SEC31B: variants seen among roughly 807,000 people sequenced by gnomAD.
SEC31B encodes SEC31 homolog B, COPII component, also known as protein transport protein Sec31B.
SEC31B carries 113 observed loss-of-function variants against 135.0 expected under a neutral mutation model. The ratio of observed to expected loss-of-function variants is 0.84; its 90% confidence interval spans 0.72 to 0.98. The LOEUF (loss-of-function observed/expected upper bound fraction) is 0.98. Among genes scored for constraint, SEC31B ranks in the 50% least tolerant of loss-of-function variants. The pLI is 0.00. For missense variants in SEC31B, 1,296 were observed against 1,421.1 expected (o/e 0.91, Z 1.42); for synonymous variants, 508 against 549.4 (o/e 0.92, Z 1.05).
At position 100,497,252 on chromosome 10, in the gene SEC31B, C is replaced by T; in HGVS notation, c.2019G>A (p.Glu673=). ...CTTCGGAGGTTAGTGCCCTGCTGCC[C>T]TCCTGTTCCATGCGAGTTCCCAGCA... ...CDMLGTRMEQ[E]GSRALTSEAR... Residue 673 remains glutamate (E), a synonymous_variant, in exon 17 of 26, where the codon GAG becomes GAA. Transcript: ENST00000370345. 1 of 1,614,194 alleles carries T rather than the reference C, an allele frequency of 6.2e-7. No individual in the cohort carries two copies. Among genetic ancestry groups the T allele is most frequent in the Non-Finnish European group, 8.5e-7 (1 of 1,180,012 alleles).
rs1241589148 is a variant in SEC31B, at chr10:100,497,185, C to T, written c.2086G>A (p.Val696Met). 3 of 1,614,116 alleles carry T rather than the reference C, an allele frequency of 1.9e-6. No homozygotes were observed. Among genetic ancestry groups the T allele is most frequent in the Non-Finnish European group, 2.5e-6 (3 of 1,180,048 alleles). ...TGGTGGCATTTTGCCCAGCACTCCA[C>T]CAGCCGCTCCACACTCCCTGAGCAC... Reference protein sequence around the residue: ...YVCSGSVERLVECWAKCHQAL... With the variant: ...YVCSGSVERLMECWAKCHQAL... Residue 696 changes from valine (V) to methionine (M), a missense_variant, in exon 17 of 26, where the codon GTG (valine) becomes ATG (methionine). Val to Met is a conservative substitution (Grantham distance 21). Transcript: ENST00000370345.
rs1230689853 is a variant in SEC31B, at chr10:100,507,425, C to A, written c.782G>T (p.Arg261Met). The A allele has an allele frequency of 6.2e-7, 1 of 1,614,078 alleles. No individual in the cohort carries two copies. Among genetic ancestry groups the A allele is most frequent in the African/African-American group, 1.3e-5 (1 of 74,928 alleles). ...SPLKVLESHS[R>M]GILSVSWSQA... is the part of the protein sequence containing the mutation. ...ATATGGATGACGTCTGAGATGCTACCTGCTGTGGCTCTCCAGCACCTTCAA... is the reference window on the plus strand; with the variant it reads ...ATATGGATGACGTCTGAGATGCTACATGCTGTGGCTCTCCAGCACCTTCAA... Residue 261 changes from arginine to methionine, a missense_variant and splice_region_variant, in exon 7 of 26, where the codon AGG (arginine) becomes ATG (methionine). Transcript: ENST00000370345.
In SEC31B at chr10:100,514,849, C is replaced by T. The variant is rs111696500; in HGVS notation, c.203+1247G>A. The stretch of plus-strand genomic sequence containing the variant: ...CAAAAAAATTAGCCAGGTGTGGTGG[C>T]GCGCACCTGTAGTCCCAGCTACTCG... On this transcript the variant is annotated intron_variant, in intron 3 of 25. Coordinates refer to ENST00000370345, the MANE Select transcript of SEC31B (RefSeq NM_015490.4). Among the ~76,000 whole-genome samples the T allele has an allele frequency of 2.8e-3, 420 of 151,980 alleles. 2 individuals are homozygous for T. The highest frequency in any genetic ancestry group is 9.0e-3 in the African/African-American group (373 of 41,450).
At chr10:100,503,891 T>G (rs1851576110) in intron 10 of SEC31B, among the ~76,000 whole-genome samples, 1 of 152,140 alleles carries the variant, frequency 6.6e-6, no homozygotes, top group Non-Finnish European at 1.5e-5. Context: ...CCCTAACTAT[T>G]CACCATTTCT....
Position 100,507,548 on chromosome 10 carries a change from G to C in SEC31B, c.659C>G (p.Ala220Gly), listed in dbSNP as rs1173397216. Residue 220 changes from alanine to glycine, a missense_variant, in exon 7 of 26, where the codon GCC (alanine) becomes GGC (glycine). Physicochemically the swap from Ala to Gly is moderately conservative, Grantham distance 60 (BLOSUM62 0). Transcript: ENST00000370345. ...HSNRMHCSGL[A>G]WHPDIATQLV... ...CTGGGTGGCTATGTCAGGATGCCAG[G>C]CCAGGCCTGAGCAGTGCATCTGTGA... The C allele has an allele frequency of 6.2e-7, 1 of 1,614,208 alleles. No homozygotes were observed. Among genetic ancestry groups the C allele is most frequent in the Non-Finnish European group, 8.5e-7 (1 of 1,180,034 alleles).
At position 100,509,061 on chromosome 10, in the gene SEC31B, G is replaced by C; in HGVS notation, c.441C>G (p.Phe147Leu). The change falls in exon 5 of 26, where the codon TTC becomes TTG. Residue 147 changes from phenylalanine (F) to leucine (L), a missense_variant. Phe to Leu is a conservative substitution (Grantham distance 22). Coordinates refer to ENST00000370345, the MANE Select transcript of SEC31B (RefSeq NM_015490.4). ...CATTCAAGTTATTCAGATCCCAAAT[G>C]AAGATTTCAGAATCGCTGGCCCCTG... ...LASGASDSEI[F>L]IWDLNNLNVP... 1 of 1,614,156 alleles carries C rather than the reference G, an allele frequency of 6.2e-7. No homozygotes were observed. The highest frequency in any genetic ancestry group is 8.5e-7 in the Non-Finnish European group (1 of 1,180,024).
At chr10:100,507,668 G>A in intron 6 of SEC31B, 101 bp from the exon 7 acceptor site, 1 of 1,495,128 alleles carries the variant, frequency 6.7e-7, no homozygotes, top group Non-Finnish European at 9.2e-7. Context: ...TTTTGTGACT[G>A]GGAACACCAC....
At chr10:100,494,225 C>T (rs1411997331) in intron 19 of SEC31B, among the ~76,000 whole-genome samples, 1 of 152,090 alleles carries the variant, frequency 6.6e-6, no homozygotes, top group African/African-American at 2.4e-5. Context: ...CCCTCAGTAC[C>T]CCCAACCACA....
rs371097231 is a variant in SEC31B, at chr10:100,488,073, G to A, written c.3314C>T (p.Ala1105Val). The change falls in exon 25 of 26, where the codon GCA becomes GTA. Residue 1105 changes from alanine to valine, a missense_variant. By Grantham distance (64) the Ala-to-Val change is moderately conservative. Transcript: ENST00000370345. ...DLKTKRKLEE[A>V]AQRLEYLYEK... The stretch of plus-strand genomic sequence containing the variant: ...ATATAGATACTCCAGACGCTGGGCT[G>A]CCTCTTCCAGCTTCCTTTTTGTCTT... The A allele has an allele frequency of 1.4e-5, 23 of 1,613,936 alleles. No homozygotes were observed. Among genetic ancestry groups the A allele is most frequent in the Non-Finnish European group, 1.9e-5 (23 of 1,179,982 alleles).
chr10:100,502,540 C>A (rs760545695), intron 10 of SEC31B, 56 bp from the exon 11 acceptor site: 2 of 1,181,782 alleles, frequency 1.7e-6, no homozygotes, highest in Non-Finnish European at 1.2e-6. Flanking sequence ...AAAAGTAACA[C>A]TAAGTCAGAT....
Position 100,502,414 on chromosome 10 carries a change from C to A in SEC31B, c.1250G>T (p.Arg417Leu). 6.2e-7 allele frequency: 1 copy of A among 1,614,044 alleles called. No homozygotes were observed. The highest frequency in any genetic ancestry group is 8.5e-7 in the Non-Finnish European group (1 of 1,180,012). The change falls in exon 11 of 26, where the codon CGC (arginine) becomes CTC (leucine). Residue 417 changes from arginine (R) to leucine (L), a missense_variant. Arg to Leu is a moderately radical substitution (Grantham distance 102, BLOSUM62 -2). Coordinates refer to ENST00000370345, the MANE Select transcript of SEC31B (RefSeq NM_015490.4). Reference sequence around the variant, plus strand: ...GGTGACTTGACTGATGAAGACTAGGCGGGGGCAAGGCTGTGGCACCAGATG... The same window carrying A: ...GGTGACTTGACTGATGAAGACTAGGAGGGGGCAAGGCTGTGGCACCAGATG... ...PAHLVPQPCP[R>L]LVFISQVTTE...
chr10:100,511,647 T>G (rs1378568893), intron 3 of SEC31B, among the ~76,000 whole-genome samples: 1 of 152,214 alleles, frequency 6.6e-6, no homozygotes, highest in African/African-American at 2.4e-5. Flanking sequence ...ATAAATTGTT[T>G]CCATGATTTA....
At chr10:100,519,610 G>C (rs1027849610) in intron 1 of SEC31B, among the ~76,000 whole-genome samples, 172 bp downstream of exon 1, 1 of 152,266 alleles carries the variant, frequency 6.6e-6, no homozygotes, top group African/African-American at 2.4e-5. Flanking sequence ...CCAATTCAAG[G>C]GTAGACGTAG....
chr10:100,505,326 A>C (rs1261005270), intron 10 of SEC31B, 35 bp downstream of exon 10: 1 of 1,602,504 alleles, frequency 6.2e-7, no homozygotes, highest in Non-Finnish European at 8.5e-7. Flanking sequence ...ACACACACAC[A>C]AACACACACA....
chr10:100,495,401 G>A lies in SEC31B; in HGVS notation c.2456C>T (p.Ser819Phe). 6.2e-7 allele frequency: 1 copy of A among 1,613,788 alleles called. No individual in the cohort carries two copies. Among genetic ancestry groups the A allele is most frequent in the Non-Finnish European group, 8.5e-7 (1 of 1,179,922 alleles). ...AGGTCTTACCTGGTGAGAAGGCTGG[G>A]ATCCCAATCTGTAAGATGATGTCTC... Reference protein sequence around the residue: ...SKETSSYRLGSQPSHQVPTPS... With the variant: ...SKETSSYRLGFQPSHQVPTPS... Residue 819 changes from serine to phenylalanine, a missense_variant, in exon 19 of 26, where the codon TCC (serine) becomes TTC (phenylalanine). Transcript: ENST00000370345.
At position 100,507,970 on chromosome 10, in the gene SEC31B, C is replaced by T. The variant is rs1427763173; in HGVS notation, c.577G>A (p.Ala193Thr). 4 of 1,614,202 alleles carry T rather than the reference C, an allele frequency of 2.5e-6. No homozygotes were observed. The highest frequency in any genetic ancestry group is 3.4e-6 in the Non-Finnish European group (4 of 1,180,044). Residue 193 changes from alanine (A) to threonine (T), a missense_variant, in exon 6 of 26, where the codon GCA (alanine) becomes ACA (threonine). By Grantham distance (58) the Ala-to-Thr change is moderately conservative (BLOSUM62 0). Coordinates refer to ENST00000370345, the MANE Select transcript of SEC31B (RefSeq NM_015490.4). ...TTCTTCCTGAGATCCCACACAACTG[C>T]CTTGCCACTGGGGTGAGCAGAAGAC... is the stretch of plus-strand genomic sequence containing the variant. Reference protein sequence around the residue: ...ILSSAHPSGKAVVWDLRKNEP... With the variant: ...ILSSAHPSGKTVVWDLRKNEP...
chr10:100,487,595 TA>T lies in SEC31B; in HGVS notation c.*20del, dbSNP rs1851204007. On this transcript the variant is annotated 3_prime_UTR_variant, in exon 26 of 26. Transcript: ENST00000370345. ...TTATGTAACAGCAGAAGTGGCCTCC[TA>T]GCAAGAGAGGCTGCCTGGTTTAGAC... 1 of 1,604,412 alleles carries T rather than the reference TA, an allele frequency of 6.2e-7. No homozygotes were observed. Among genetic ancestry groups the T allele is most frequent in the Non-Finnish European group, 8.5e-7 (1 of 1,174,286 alleles).
At chr10:100,506,569 A>C in intron 7 of SEC31B, 149 bp from the exon 8 acceptor site, 1 of 701,998 alleles carries the variant, frequency 1.4e-6, no homozygotes, top group South Asian at 1.9e-5. Context: ...CAAATGAATA[A>C]AATGAGGTTT....
intron 18 of SEC31B, 135 bp downstream of exon 18, chr10:100,496,123 T>G: frequency 5.6e-6 from 5 of 897,026 alleles, no homozygotes; most frequent in Non-Finnish European, 8.4e-6. Context: ...CAGTAGATTG[T>G]GAGGTGCTTA....
Sources: gnomAD v4.1 joint callset for allele counts (sites outside exome capture counted in the v4.1 genomes callset) on GRCh38, gnomAD v4.1.1 for gene constraint, MANE v1.5 for transcripts, NCBI Gene and HGNC (gene_info 2026-07-23, HGNC 2026-07-21) for gene names.